Variants in SEC24B observed in about 807,000 individuals in gnomAD.
The protein encoded by SEC24B is protein transport protein Sec24B.
In SEC24B, 45 loss-of-function variants were observed where a neutral mutation model predicts 142.8. The observed-to-expected ratio is 0.32, with a 90% CI of 0.25 to 0.40. The LOEUF is 0.40. Among genes scored for constraint, SEC24B ranks in the 10% least tolerant of loss-of-function variants. The pLI, the probability that SEC24B is intolerant of heterozygous loss-of-function variation, is 1.00. For synonymous variants in SEC24B, 574 were observed against 568.2 expected (o/e 1.01, Z -0.15); for missense variants, 1,409 against 1,526.8 (o/e 0.92, Z 1.29).
At chr4:109,471,795 C>G (rs1312185468) in intron 2 of SEC24B, among the ~76,000 whole-genome samples, 2 of 152,146 alleles carry the variant, frequency 1.3e-5, no homozygotes, top group Non-Finnish European at 2.9e-5. Flanking sequence ...TGCAGCATTT[C>G]AGAGTGGAAA....
At chr4:109,526,468 G>A in intron 17 of SEC24B, 69 bp downstream of exon 17, 2 of 1,165,424 alleles carry the variant, frequency 1.7e-6, no homozygotes, top group Non-Finnish European at 2.4e-6. Context: ...GGCCTTTAGT[G>A]GAGTGGGGAA....
intron 8 of SEC24B, among the ~76,000 whole-genome samples, chr4:109,511,284 A>AT (rs968954490): frequency 7.3e-4 from 110 of 151,056 alleles, no homozygotes; most frequent in Admixed American, 2.1e-3. Context: ...ATATTTCCTG[A>AT]TTTTTTTTTA....
At position 109,510,069 on chromosome 4, in the gene SEC24B, G is replaced by A. The variant is rs746129362; in HGVS notation, c.1734G>A (p.Lys578=). 6.2e-7 allele frequency: 1 copy of A among 1,609,878 alleles called. No individual in the cohort carries two copies. The highest frequency in any genetic ancestry group is 8.5e-7 in the Non-Finnish European group (1 of 1,178,374). The part of the protein sequence containing the change: ...PQTQALLNKA[K]LPLGLLLHPF... ...CACAGGCTTTACTGAATAAAGCTAA[G>A]CTTCCTTTAGGATTGTTGTTACATC... is the stretch of plus-strand genomic sequence containing the variant. The change falls in exon 8 of 24, where the codon AAG becomes AAA. Residue 578 remains lysine (K), a synonymous_variant. Transcript: ENST00000265175.
At chr4:109,467,985 C>T (rs1732134941) in intron 2 of SEC24B, among the ~76,000 whole-genome samples, 1 of 152,164 alleles carries the variant, frequency 6.6e-6, no homozygotes, top group Non-Finnish European at 1.5e-5. Context: ...CCACTACACG[C>T]ATGACACTAA....
At chr4:109,448,443 T>A (rs1053498336) in intron 1 of SEC24B, among the ~76,000 whole-genome samples, 8 of 152,182 alleles carry the variant, frequency 5.3e-5, no homozygotes, top group African/African-American at 1.7e-4. Context: ...ACAGAAGTGT[T>A]GCAAAGATAT....
intron 5 of SEC24B, among the ~76,000 whole-genome samples, chr4:109,492,448 T>G (rs760186936): frequency 3.9e-5 from 6 of 152,198 alleles, no homozygotes; most frequent in Non-Finnish European, 8.8e-5. Context: ...TAGATTAATG[T>G]GAAATGAAAT....
chr4:109,515,943 G>C (rs1722814535), intron 10 of SEC24B, among the ~76,000 whole-genome samples: 1 of 151,684 alleles, frequency 6.6e-6, no homozygotes, highest in Non-Finnish European at 1.5e-5. Flanking sequence ...AGCTACTCAG[G>C]AGGCTGAGGC....
At chr4:109,462,843 GCT>G (rs1028607141) in intron 1 of SEC24B, 56 bp from the exon 2 acceptor site, 25 of 1,282,746 alleles carry the variant, frequency 1.9e-5, no homozygotes, top group Middle Eastern at 1.9e-4. Context: ...TTAAATGGGG[GCT>G]ATTTTTAAAA....
At chr4:109,490,442 G>C (rs564496268) in intron 4 of SEC24B, among the ~76,000 whole-genome samples, 18 of 152,018 alleles carry the variant, frequency 1.2e-4, no homozygotes, top group Admixed American at 5.2e-4. Context: ...TAATAGCAAG[G>C]GATAACCTCT....
At chr4:109,496,731 CTG>C (rs1276029954) in intron 6 of SEC24B, among the ~76,000 whole-genome samples, 1 of 152,154 alleles carries the variant, frequency 6.6e-6, no homozygotes, top group African/African-American at 2.4e-5. Flanking sequence ...AGGAAGAAAA[CTG>C]AGAGACATCA....
intron 22 of SEC24B, among the ~76,000 whole-genome samples, chr4:109,537,722 T>G (rs969624290): frequency 6.6e-6 from 1 of 152,204 alleles, no homozygotes; most frequent in African/African-American, 2.4e-5. Flanking sequence ...CCCATTTGTA[T>G]TTTCAAAAAT....
intron 15 of SEC24B, 35 bp downstream of exon 15, chr4:109,524,976 T>C (rs1724060780): frequency 6.4e-7 from 1 of 1,560,462 alleles, no homozygotes; most frequent in Non-Finnish European, 8.7e-7. Flanking sequence ...TTTGTTTAAA[T>C]GAACATTTTT....
rs113736998 is a variant in SEC24B, at chr4:109,527,501, C to G, written c.3076+69C>G. 5,107 of 1,135,824 alleles carry G rather than the reference C, an allele frequency of 4.5e-3. 176 individuals carry two copies. In the African/African-American group the frequency reaches 0.069, roughly 15 times the overall value. The allele number at this position is 1,135,824 out of a possible 1,614,324, so 70.4% of individuals were successfully genotyped here. A position where few individuals can be genotyped will look rare whatever the true frequency, so the allele number is the denominator to read the frequency against. On this transcript the variant is annotated intron_variant, in intron 18 of 23. Coordinates refer to ENST00000265175, the MANE Select transcript of SEC24B (RefSeq NM_006323.5). ...TTAAAAACTGAAGCTTGGCTGGTGG[C>G]AGTGCGTCCGCCTGTAATCCCAGCA...
intron 6 of SEC24B, among the ~76,000 whole-genome samples, chr4:109,501,113 T>C (rs762311240): frequency 6.6e-6 from 1 of 152,232 alleles, no homozygotes; most frequent in Non-Finnish European, 1.5e-5. Flanking sequence ...TCATACTAGG[T>C]GTCCTATGCA....
intron 3 of SEC24B, among the ~76,000 whole-genome samples, chr4:109,478,856 G>A (rs766037733): frequency 1.5e-4 from 23 of 152,164 alleles, no homozygotes; most frequent in South Asian, 2.1e-4. Context: ...TACAGGAATC[G>A]ACATCTGAAA....
At chr4:109,516,410 A>G (rs1188456923) in intron 10 of SEC24B, 118 bp from the exon 11 acceptor site, 4 of 616,358 alleles carry the variant, frequency 6.5e-6, no homozygotes, top group Non-Finnish European at 1.1e-5. Flanking sequence ...CAAAATAGCA[A>G]TCCTATTTGT....
intron 1 of SEC24B, among the ~76,000 whole-genome samples, chr4:109,458,464 C>T (rs936917273): frequency 1.3e-5 from 2 of 152,136 alleles, no homozygotes; most frequent in African/African-American, 4.8e-5. Flanking sequence ...CAACTAGAGA[C>T]TTGACCCAAC....
At position 109,454,865 on chromosome 4, in the gene SEC24B, T is replaced by A. The variant is rs553236514; in HGVS notation, c.134-8036T>A. Among the ~76,000 whole-genome samples, 8 of 152,292 alleles carry A rather than the reference T, an allele frequency of 5.3e-5. No homozygotes were observed. In the South Asian group the frequency reaches 1.0e-3, roughly 20 times the overall value. ...CATAAGACCCCTATTCCAGAGAGGG[T>A]CCTGCCCCATAAGCAGAAAGAAAGA... On this transcript the variant is annotated intron_variant, in intron 1 of 23. Transcript: ENST00000265175.
rs748083089 is a variant in SEC24B at position 109,506,479 on chromosome 4, A to G, written c.1640A>G (p.Asn547Ser). Residue 547 changes from asparagine (N) to serine (S), a missense_variant, in exon 7 of 24, where the codon AAT becomes AGT. By Grantham distance (46) the Asn-to-Ser change is conservative (BLOSUM62 1). Transcript: ENST00000265175. ...TPVWAPVPNL[N>S]ADLKKLNCSP... Reference sequence around the variant, plus strand: ...GTTTGGGCTCCTGTACCTAACTTGAATGCAGACCTCAAAAAATTAAACTGT... The same window carrying G: ...GTTTGGGCTCCTGTACCTAACTTGAGTGCAGACCTCAAAAAATTAAACTGT... The G allele has an allele frequency of 2.5e-5, 39 of 1,584,710 alleles. No homozygotes were observed. Among genetic ancestry groups the G allele is most frequent in the Non-Finnish European group, 3.0e-5 (35 of 1,167,698 alleles).
Sources: allele counts gnomAD v4.1 joint callset (sites outside exome capture counted in the v4.1 genomes callset), GRCh38; gene constraint gnomAD v4.1.1; transcripts MANE v1.5; gene names NCBI Gene and HGNC (gene_info 2026-07-23, HGNC 2026-07-21).